Variants in MYOM1 observed in about 807,000 individuals in gnomAD.
MYOM1 encodes myomesin-1.
A neutral mutation model predicts 205.3 loss-of-function variants in MYOM1; 164 were observed. The ratio of observed to expected loss-of-function variants is 0.80; its 90% confidence interval spans 0.70 to 0.91. MYOM1 has a LOEUF of 0.91. Among genes scored for constraint, MYOM1 ranks in the 40% least tolerant of loss-of-function variants. MYOM1 has a pLI of 0.00. For synonymous variants in MYOM1, 772 were observed against 789.4 expected (o/e 0.98, Z 0.37); for missense variants, 2,011 against 2,127.3 (o/e 0.95, Z 1.08).
At chr18:3,234,350 C>T in the MYOM1 span, among the ~76,000 whole-genome samples, 152 of 152,242 alleles carry the variant, frequency 1.0e-3, no homozygotes, top group Middle Eastern at 3.4e-3. Context: ...CATTGTTCAC[C>T]GTACTAGGAT....
At chr18:3,229,671 T>C in the MYOM1 span, among the ~76,000 whole-genome samples, 2 of 152,136 alleles carry the variant, frequency 1.3e-5, no homozygotes, top group Admixed American at 6.5e-5. Context: ...TTTGCAAGTT[T>C]AACAGTAGTG....
intron 21 of MYOM1, among the ~76,000 whole-genome samples, chr18:3,112,619 T>C (rs543670847): frequency 1.3e-5 from 2 of 152,352 alleles, no homozygotes; most frequent in South Asian, 4.1e-4. Flanking sequence ...CATCTGTAGA[T>C]AGAGAGGAGT....
chr18:3,215,762 G>T (rs934832820), intron 1 of MYOM1, among the ~76,000 whole-genome samples: 15 of 151,796 alleles, frequency 9.9e-5, no homozygotes, highest in African/African-American at 3.4e-4. Flanking sequence ...ATTGTATCTA[G>T]GAGGTTTTCC....
intron 23 of MYOM1, among the ~76,000 whole-genome samples, chr18:3,101,768 T>A (rs1180441767): frequency 1.3e-5 from 2 of 152,166 alleles, no homozygotes; most frequent in East Asian, 3.8e-4. Context: ...TTATGTCAAT[T>A]GAATGTTTCT....
Position 3,187,569 on chromosome 18 carries a change from G to T in MYOM1, c.840C>A (p.Ile280=), listed in dbSNP as rs371804804. The T allele has an allele frequency of 2.7e-5, 44 of 1,613,686 alleles. No individual in the cohort carries two copies. In the African/African-American group the frequency reaches 5.3e-4, roughly 20 times the overall value. The part of the protein sequence containing the change: ...EDHLLHAPEF[I]IKPRSHTVWE... ...AAACCGTGTGGGAGCGAGGTTTAAT[G>T]ATAAACTCAGGAGCATGGAGAAGAT... is the stretch of plus-strand genomic sequence containing the variant. The change falls in exon 5 of 38, where the codon ATC becomes ATA. Residue 280 remains isoleucine, a synonymous_variant. Transcript: ENST00000356443.
At chr18:3,214,697 C>T (rs1372575313) in intron 2 of MYOM1, among the ~76,000 whole-genome samples, 1 of 152,176 alleles carries the variant, frequency 6.6e-6, no homozygotes, top group East Asian at 1.9e-4. Context: ...GTGGTGCACG[C>T]CTGTAATCCC....
At chr18:3,154,156 A>G (rs1324269160) in intron 11 of MYOM1, among the ~76,000 whole-genome samples, 1 of 152,140 alleles carries the variant, frequency 6.6e-6, no homozygotes, top group African/African-American at 2.4e-5. Context: ...AGGAATATGG[A>G]CATTATGCTG....
the MYOM1 span, among the ~76,000 whole-genome samples, chr18:3,225,564 C>A: frequency 6.6e-6 from 1 of 152,182 alleles, no homozygotes; most frequent in African/African-American, 2.4e-5. Context: ...ATCTTGGCCT[C>A]TTCCAGAGCC....
chr18:3,241,248 C>T, the MYOM1 span, among the ~76,000 whole-genome samples: 1 of 152,196 alleles, frequency 6.6e-6, no homozygotes, highest in Admixed American at 6.5e-5. Context: ...GTCTTCATGG[C>T]AGCCCCTCCC....
At chr18:3,225,080 C>T in the MYOM1 span, among the ~76,000 whole-genome samples, 1 of 152,110 alleles carries the variant, frequency 6.6e-6, no homozygotes, top group Non-Finnish European at 1.5e-5. Context: ...CTCCACCTCC[C>T]GGGTTCACAC....
chr18:3,114,544 A>ATTTTTTTTTTTTTTTTTTT (rs5822738), intron 21 of MYOM1, among the ~76,000 whole-genome samples: 1 of 88,374 alleles, frequency 1.1e-5, no homozygotes, highest in African/African-American at 4.8e-5. Flanking sequence ...TGGTCAGCTA[A>ATTTTTTTTTTTTTTTTTTT]TTTTTTTTTT....
intron 8 of MYOM1, among the ~76,000 whole-genome samples, chr18:3,172,495 G>A (rs1321676635): frequency 2.0e-5 from 3 of 152,024 alleles, no homozygotes; most frequent in Non-Finnish European, 4.4e-5. Flanking sequence ...ACAAGTCATA[G>A]GTTCAGAATT....
intron 9 of MYOM1, 39 bp downstream of exon 9, chr18:3,168,778 G>T: frequency 1.2e-6 from 2 of 1,606,724 alleles, no homozygotes; most frequent in Non-Finnish European, 1.7e-6. Context: ...TACAACCTTC[G>T]AATAAGAACC....
At chr18:3,072,973 A>AAT (rs1555613713) in intron 36 of MYOM1, among the ~76,000 whole-genome samples, 6 of 102,442 alleles carry the variant, frequency 5.9e-5, no homozygotes, top group African/African-American at 2.3e-4. Context: ...AGATGTAAGC[A>AAT]TTTTTTTTTT....
intron 9 of MYOM1, among the ~76,000 whole-genome samples, chr18:3,168,532 G>A (rs2080506294): frequency 6.6e-6 from 1 of 152,080 alleles, no homozygotes; most frequent in South Asian, 2.1e-4. Context: ...CAGGTTATCT[G>A]CCCATCTCAG....
chr18:3,160,659 C>A (rs775213858), intron 10 of MYOM1, among the ~76,000 whole-genome samples: 1 of 152,152 alleles, frequency 6.6e-6, no homozygotes, highest in African/African-American at 2.4e-5. Context: ...TAAGTGAAAT[C>A]TTTTTCTAAA....
At position 3,126,789 on chromosome 18, in the gene MYOM1, T is replaced by G. The variant is rs374017958; in HGVS notation, c.2903A>C (p.Tyr968Ser). ...DKIGGAEITG[Y>S]YVNYREVIDG... is the part of the protein sequence containing the mutation. ...AATGACCTCGCGATAGTTCACATAA[T>G]AGCCAGTAATTTCTGCCCCTCCAAT... Residue 968 changes from tyrosine (Y) to serine (S), a missense_variant, in exon 19 of 38, where the codon TAT becomes TCT. Transcript: ENST00000356443. The G allele has an allele frequency of 3.1e-6, 5 of 1,613,918 alleles. No homozygotes were observed. In the Admixed American group the frequency reaches 8.3e-5, roughly 27 times the overall value.
At chr18:3,229,825 C>T in the MYOM1 span, among the ~76,000 whole-genome samples, 1 of 151,890 alleles carries the variant, frequency 6.6e-6, no homozygotes, top group African/African-American at 2.4e-5. Flanking sequence ...CAAAATTAGC[C>T]AGGCGTGGTG....
At position 3,176,141 on chromosome 18, in the gene MYOM1, C is replaced by A; in HGVS notation, c.930-7G>T. ...TGGCACCTGGTTTTTATACCTATAA[C>A]AGAATGGAAACAAAATGAAGTAAGT... On this transcript the variant is annotated splice_region_variant and splice_polypyrimidine_tract_variant and intron_variant, in intron 5 of 37. Coordinates refer to ENST00000356443, the MANE Select transcript of MYOM1 (RefSeq NM_003803.4). 1.9e-6 allele frequency: 3 copies of A among 1,548,812 alleles called. No homozygotes were observed. The highest frequency in any genetic ancestry group is 1.4e-5 in the African/African-American group (1 of 73,620).
Sources: allele counts gnomAD v4.1 joint callset (sites outside exome capture counted in the v4.1 genomes callset), GRCh38; gene constraint gnomAD v4.1.1; transcripts MANE v1.5; gene names NCBI Gene and HGNC (gene_info 2026-07-23, HGNC 2026-07-21).